The following LRRC1 variants were observed in gnomAD, a reference collection of about 807,000 sequenced individuals.
LRRC1 encodes leucine-rich repeat-containing protein 1.
Under a neutral mutation model 69.9 loss-of-function variants are expected in LRRC1, and 28 were observed. The observed-to-expected ratio is 0.40, with a 90% CI of 0.30 to 0.55. The LOEUF is 0.55. Among genes scored for constraint, LRRC1 ranks in the 20% least tolerant of loss-of-function variants. The probability of loss-of-function intolerance (pLI) is 0.47; values close to 1 mark genes in which losing one functional copy is unlikely to be tolerated. For missense variants in LRRC1, 498 were observed against 609.0 expected, an observed-to-expected ratio of 0.82 and a Z score of 1.92; for synonymous variants, 236 against 240.2, an observed-to-expected ratio of 0.98 and a Z score of 0.16.
intron 7 of LRRC1, among the ~76,000 whole-genome samples, chr6:53,898,242 T>C (rs1033969938): frequency 6.6e-6 from 1 of 152,314 alleles, no homozygotes; most frequent in African/African-American, 2.4e-5. Flanking sequence ...TTTAAGTCTG[T>C]TTATGAGATC....
At chr6:53,809,452 G>A (rs1018671969) in intron 1 of LRRC1, among the ~76,000 whole-genome samples, 7 of 152,184 alleles carry the variant, frequency 4.6e-5, no homozygotes, top group Non-Finnish European at 8.8e-5. Context: ...TAACTATAGT[G>A]ATTCACTGAA....
chr6:53,807,499 A>C (rs1246934941), intron 1 of LRRC1, among the ~76,000 whole-genome samples: 1 of 152,224 alleles, frequency 6.6e-6, no homozygotes, highest in Non-Finnish European at 1.5e-5. Flanking sequence ...TAATCCCAGC[A>C]CTTTGGGAGG....
chr6:53,842,229 TAAGA>T lies in LRRC1; in HGVS notation c.277+7_277+10del. On this transcript the variant is annotated splice_donor_5th_base_variant and intron_variant, in intron 2 of 13. Transcript: ENST00000370888. ...TGGAACTAGATGTGTCTCGAAATGG[TAAGA>T]AAGATTCCACTTGGGTTGCCTATTT... 6.2e-7 allele frequency: 1 copy of T among 1,604,398 alleles called. No individual in the cohort carries two copies. Among genetic ancestry groups the T allele is most frequent in the Non-Finnish European group, 8.5e-7 (1 of 1,171,906 alleles).
chr6:53,889,105 T>A (rs1162003797), intron 4 of LRRC1, among the ~76,000 whole-genome samples: 1 of 152,220 alleles, frequency 6.6e-6, no homozygotes, highest in Non-Finnish European at 1.5e-5. Context: ...TATGAAAAGA[T>A]GTTTAACAGC....
intron 2 of LRRC1, among the ~76,000 whole-genome samples, chr6:53,844,692 C>T (rs1389881204): frequency 6.6e-6 from 1 of 152,216 alleles, no homozygotes; most frequent in African/African-American, 2.4e-5. Flanking sequence ...TCACTTTCAA[C>T]CTTTCCTTCT....
rs535592635 is a variant in LRRC1, at chr6:53,916,095, A to G, written c.1106+2126A>G. On this transcript the variant is annotated intron_variant, in intron 11 of 13. Coordinates refer to ENST00000370888, the MANE Select transcript of LRRC1 (RefSeq NM_018214.5). ...ATAACCTGTCACTTGGAAACTAAGTATTAAACCTTCTGTGACAGTAAAGAA... is the reference window on the plus strand; with the variant it reads ...ATAACCTGTCACTTGGAAACTAAGTGTTAAACCTTCTGTGACAGTAAAGAA... 8.7e-4 allele frequency among the ~76,000 whole-genome samples: 133 copies of G among 152,358 alleles called. 1 individual carries two copies. The highest frequency in any genetic ancestry group is 3.4e-3 in the Middle Eastern group (1 of 294).
At chr6:53,850,682 A>G (rs115730487) in intron 2 of LRRC1, among the ~76,000 whole-genome samples, 2 of 152,360 alleles carry the variant, frequency 1.3e-5, no homozygotes, top group Admixed American at 6.5e-5. Flanking sequence ...AGCATAGGCT[A>G]TTGATTTAAA....
At chr6:53,839,024 A>C (rs1036218895) in intron 1 of LRRC1, among the ~76,000 whole-genome samples, 2 of 152,036 alleles carry the variant, frequency 1.3e-5, no homozygotes, top group African/African-American at 4.8e-5. Flanking sequence ...TTTTTAAGTT[A>C]TATTTGCATG....
chr6:53,904,517 AC>A, intron 10 of LRRC1, 55 bp downstream of exon 10: 1 of 1,182,856 alleles, frequency 8.5e-7, no homozygotes, highest in Non-Finnish European at 1.2e-6. Flanking sequence ...TAATAATAAT[AC>A]ATAAGGGATC....
chr6:53,848,977 A>T (rs1339106666), intron 2 of LRRC1, among the ~76,000 whole-genome samples: 1 of 151,184 alleles, frequency 6.6e-6, no homozygotes, highest in Admixed American at 6.6e-5. Context: ...GGTTGGTCTA[A>T]AACACCCCAC....
chr6:53,851,182 AC>A (rs1766117996), intron 2 of LRRC1, among the ~76,000 whole-genome samples: 1 of 120,008 alleles, frequency 8.3e-6, no homozygotes, highest in Non-Finnish European at 1.8e-5. Context: ...GGACACACAC[AC>A]ACACACACAC....
chr6:53,867,234 G>A (rs1766730729), intron 2 of LRRC1, among the ~76,000 whole-genome samples: 1 of 152,050 alleles, frequency 6.6e-6, no homozygotes, highest in Admixed American at 6.5e-5. Flanking sequence ...GCAAAGTGTT[G>A]AGAATTGTGC....
chr6:53,918,196 TTTAACA>T (rs1243687916), intron 11 of LRRC1, among the ~76,000 whole-genome samples: 1 of 152,250 alleles, frequency 6.6e-6, no homozygotes, highest in African/African-American at 2.4e-5. Flanking sequence ...TCAAGGGTAC[TTTAACA>T]TAAGCAGTTC....
intron 1 of LRRC1, among the ~76,000 whole-genome samples, 195 bp from the exon 2 acceptor site, chr6:53,841,915 C>T (rs143346195): frequency 6.6e-6 from 1 of 152,084 alleles, no homozygotes; most frequent in African/African-American, 2.4e-5. Flanking sequence ...AAAAATAGTA[C>T]TGAGAGGTTC....
At chr6:53,853,970 T>C (rs1282417670) in intron 2 of LRRC1, among the ~76,000 whole-genome samples, 1 of 152,188 alleles carries the variant, frequency 6.6e-6, no homozygotes, top group Non-Finnish European at 1.5e-5. Flanking sequence ...TGAGGAGAGG[T>C]GATACACTAA....
At chr6:53,847,910 A>T (rs2127418225) in intron 2 of LRRC1, among the ~76,000 whole-genome samples, 1 of 152,336 alleles carries the variant, frequency 6.6e-6, no homozygotes, top group South Asian at 2.1e-4. Context: ...TGTTTGTAAT[A>T]ACTGTATACA....
intron 9 of LRRC1, among the ~76,000 whole-genome samples, chr6:53,904,076 G>T (rs1768153466): frequency 6.6e-6 from 1 of 152,216 alleles, no homozygotes; most frequent in South Asian, 2.1e-4. Flanking sequence ...GAATCTTGAG[G>T]GTGCAAATTC....
At chr6:53,917,347 G>C (rs949782225) in intron 11 of LRRC1, among the ~76,000 whole-genome samples, 2 of 152,174 alleles carry the variant, frequency 1.3e-5, no homozygotes, top group African/African-American at 4.8e-5. Flanking sequence ...GACTCAGTCA[G>C]CAGCAGCCAC....
chr6:53,885,027 TAAATG>T (rs1481192506), intron 4 of LRRC1, among the ~76,000 whole-genome samples: 1 of 152,168 alleles, frequency 6.6e-6, no homozygotes, highest in Non-Finnish European at 1.5e-5. Flanking sequence ...TTTGTGAAAT[TAAATG>T]AAAAAGAGAG....
Sources: gnomAD v4.1 joint callset for allele counts (sites outside exome capture counted in the v4.1 genomes callset) on GRCh38, gnomAD v4.1.1 for gene constraint, MANE v1.5 for transcripts, NCBI Gene and HGNC (gene_info 2026-07-23, HGNC 2026-07-21) for gene names.